The following PCNX1 variants were observed in gnomAD, a reference collection of about 807,000 sequenced individuals.
PCNX1 encodes pecanex-like protein 1.
A neutral mutation model predicts 242.2 loss-of-function variants in PCNX1; 78 were observed. The ratio of observed to expected loss-of-function variants is 0.32; its 90% CI spans 0.27 to 0.39. The LOEUF (loss-of-function observed/expected upper bound fraction) is 0.39, where lower values mean the gene tolerates loss of function less well. Among genes scored for constraint, PCNX1 ranks in the 10% least tolerant of loss-of-function variants. The probability of loss-of-function intolerance (pLI) is 1.00; values close to 1 mark genes in which losing one functional copy is unlikely to be tolerated. For missense variants in PCNX1, 2,581 were observed against 2,856.5 expected (o/e 0.90, Z 2.20); for synonymous variants, 1,024 against 1,032.9 (o/e 0.99, Z 0.17).
chr14:71,103,758 A>G, intron 32 of PCNX1, 89 bp downstream of exon 32: 3 of 1,223,306 alleles, frequency 2.5e-6, no homozygotes, highest in Non-Finnish European at 3.5e-6. Context: ...GCTTGTAGAA[A>G]AAATTACAGG....
At chr14:70,930,484 T>G (rs759408723) in intron 1 of PCNX1, among the ~76,000 whole-genome samples, 2 of 152,232 alleles carry the variant, frequency 1.3e-5, no homozygotes, top group Non-Finnish European at 2.9e-5. Flanking sequence ...AGCATTCTAT[T>G]GTAGCTAAAA....
At chr14:70,971,991 A>G (rs1024258953) in intron 5 of PCNX1, among the ~76,000 whole-genome samples, 7 of 152,192 alleles carry the variant, frequency 4.6e-5, no homozygotes, top group African/African-American at 1.4e-4. Context: ...TCCGGCTCCT[A>G]TTTTGAGGAA....
intron 8 of PCNX1, among the ~76,000 whole-genome samples, chr14:71,003,077 C>CTTTTTTTTT (rs1257251746): frequency 1.2e-5 from 1 of 82,656 alleles, no homozygotes; most frequent in East Asian, 4.9e-4. Context: ...TGTTGGTTGT[C>CTTTTTTTTT]TTCTTTTTTT....
intron 1 of PCNX1, among the ~76,000 whole-genome samples, chr14:70,919,758 A>AATTGT (rs1256185824): frequency 8.9e-6 from 1 of 112,082 alleles, no homozygotes; most frequent in Non-Finnish European, 1.6e-5. Context: ...TATTTGGTAG[A>AATTGT]ATTGTAAAAC....
intron 26 of PCNX1, among the ~76,000 whole-genome samples, chr14:71,058,124 G>A (rs773667375): frequency 6.6e-5 from 10 of 152,144 alleles, no homozygotes; most frequent in Non-Finnish European, 1.5e-4. Flanking sequence ...TAAACACCAT[G>A]CCTTTGTCTT....
chr14:70,929,414 C>G (rs1419219027), intron 1 of PCNX1, among the ~76,000 whole-genome samples: 2 of 152,126 alleles, frequency 1.3e-5, no homozygotes, highest in Non-Finnish European at 2.9e-5. Context: ...GTATTACTTT[C>G]CACTTGCCCA....
intron 8 of PCNX1, among the ~76,000 whole-genome samples, chr14:70,997,819 T>C (rs1022262250): frequency 6.6e-6 from 1 of 152,200 alleles, no homozygotes; most frequent in South Asian, 2.1e-4. Context: ...TAGAATAGTT[T>C]TGTTGTGTGG....
chr14:71,041,923 C>T (rs2060719410), intron 19 of PCNX1, among the ~76,000 whole-genome samples: 1 of 151,920 alleles, frequency 6.6e-6, no homozygotes, highest in African/African-American at 2.4e-5. Context: ...TTTTCAGTTT[C>T]TTCATTGACC....
intron 23 of PCNX1, 135 bp from the exon 24 acceptor site, chr14:71,051,748 C>G (rs1443319392): frequency 1.3e-6 from 1 of 784,948 alleles, no homozygotes; most frequent in Non-Finnish European, 2.0e-6. Flanking sequence ...AGTGATATAC[C>G]TTCTTTTGTA....
intron 7 of PCNX1, among the ~76,000 whole-genome samples, chr14:70,991,031 TG>T (rs1398701145): frequency 3.9e-5 from 6 of 152,182 alleles, no homozygotes; most frequent in African/African-American, 1.4e-4. Context: ...ATGAGCCTGC[TG>T]GATACCACTT....
At chr14:71,068,667 C>T (rs1023519519) in intron 26 of PCNX1, among the ~76,000 whole-genome samples, 1 of 112,906 alleles carries the variant, frequency 8.9e-6, no homozygotes, top group Non-Finnish European at 1.7e-5. Flanking sequence ...TAGTCACAAG[C>T]AAAATTACAG....
Position 71,109,845 on chromosome 14 carries a change from C to T in PCNX1, c.6936C>T (p.His2312=), listed in dbSNP as rs2062720559. ...GCAGAGATCCAGGTACCAGATCCCA[C>T]ATCGACAAGGCAGTGCTTCTGGTCC... is the stretch of plus-strand genomic sequence containing the variant. ...PCSRDPGTRS[H]IDKAVLLVQI... Residue 2312 remains histidine, a synonymous_variant, in exon 36 of 36, where the codon CAC becomes CAT. Coordinates refer to ENST00000304743, the MANE Select transcript of PCNX1 (RefSeq NM_014982.3). 6.2e-7 allele frequency: 1 copy of T among 1,612,892 alleles called. No homozygotes were observed. The highest frequency in any genetic ancestry group is 1.1e-5 in the South Asian group (1 of 91,054).
chr14:71,045,385 G>A (rs939992666), intron 20 of PCNX1, 102 bp downstream of exon 20: 6 of 836,386 alleles, frequency 7.2e-6, no homozygotes, highest in East Asian at 2.7e-5. Flanking sequence ...CAGAACATTT[G>A]GCTTGTGTTT....
intron 26 of PCNX1, among the ~76,000 whole-genome samples, chr14:71,058,331 C>T (rs2061237268): frequency 6.6e-6 from 1 of 152,160 alleles, no homozygotes; most frequent in Non-Finnish European, 1.5e-5. Flanking sequence ...TTTCCATCAG[C>T]CCTCTACAAT....
chr14:70,994,396 G>GATATAGATATATATATATATATAT (rs1555357280), intron 7 of PCNX1, among the ~76,000 whole-genome samples: 3 of 96,966 alleles, frequency 3.1e-5, no homozygotes, highest in Non-Finnish European at 4.4e-5. Context: ...ACAGGCTTAA[G>GATATAGATATATATATATATATAT]ATATATATAT....
chr14:71,003,102 A>ATTTTTTTTTTTTTTTTTTTT (rs2059556546), intron 8 of PCNX1, among the ~76,000 whole-genome samples: 2 of 25,744 alleles, frequency 7.8e-5, no homozygotes, highest in African/African-American at 3.1e-4. Flanking sequence ...TTTTTTTTTG[A>ATTTTTTTTTTTTTTTTTTTT]GACAGAGTCT....
At chr14:70,925,250 A>G (rs1471677277) in intron 1 of PCNX1, among the ~76,000 whole-genome samples, 1 of 152,130 alleles carries the variant, frequency 6.6e-6, no homozygotes, top group African/African-American at 2.4e-5. Flanking sequence ...CAGCCTCCCA[A>G]AGTGCTGGGA....
At chr14:71,080,005 G>T (rs1162078562) in intron 28 of PCNX1, among the ~76,000 whole-genome samples, 1 of 152,168 alleles carries the variant, frequency 6.6e-6, no homozygotes, top group Non-Finnish European at 1.5e-5. Context: ...ATGGATTTAG[G>T]TCTTACATTT....
intron 26 of PCNX1, among the ~76,000 whole-genome samples, chr14:71,068,752 A>T (rs1399054204): frequency 8.2e-6 from 1 of 121,314 alleles, no homozygotes; most frequent in Non-Finnish European, 1.6e-5. Context: ...TATATTTTAT[A>T]TACATTATAT....
Sources: gnomAD v4.1 joint callset for allele counts (sites outside exome capture counted in the v4.1 genomes callset) on GRCh38, gnomAD v4.1.1 for gene constraint, MANE v1.5 for transcripts, NCBI Gene and HGNC (gene_info 2026-07-23, HGNC 2026-07-21) for gene names.